KCNH8: variants seen among roughly 807,000 people sequenced by gnomAD.
The protein encoded by KCNH8 is voltage-gated delayed rectifier potassium channel KCNH8.
Under a neutral mutation model 103.6 loss-of-function variants are expected in KCNH8, and 70 were observed. That is an observed-to-expected ratio of 0.68 (90% CI 0.56 to 0.82). The LOEUF (loss-of-function observed/expected upper bound fraction) is 0.82, where lower values mean the gene tolerates loss of function less well. Among genes scored for constraint, KCNH8 ranks in the 40% least tolerant of loss-of-function variants. KCNH8 has a pLI of 0.00. For missense variants in KCNH8, 1,217 were observed against 1,329.9 expected (o/e 0.92, Z 1.32); for synonymous variants, 498 against 489.4 (o/e 1.02, Z -0.23).
chr3:19,396,578 AG>A (rs1411413593), intron 7 of KCNH8, among the ~76,000 whole-genome samples: 5 of 152,010 alleles, frequency 3.3e-5, no homozygotes, highest in African/African-American at 1.2e-4. Context: ...CCTCAATTCT[AG>A]GAAACAAAGA....
Position 19,278,931 on chromosome 3 carries a change from C to G in KCNH8, c.311-2267C>G, listed in dbSNP as rs547778148. On this transcript the variant is annotated intron_variant, in intron 2 of 15. Transcript: ENST00000328405. ...CTCTTTCCAAAATATATTGGTGCAC[C>G]TATGCAAAGGCTCTTTGGAGACAGT... is the stretch of plus-strand genomic sequence containing the variant. 5.2e-4 allele frequency among the ~76,000 whole-genome samples: 79 copies of G among 152,192 alleles called. 1 individual carries two copies. Among genetic ancestry groups the G allele is most frequent in the African/African-American group, 1.9e-3 (79 of 41,534 alleles).
chr3:19,512,063 A>T (rs1296917522), intron 12 of KCNH8, among the ~76,000 whole-genome samples: 1 of 152,174 alleles, frequency 6.6e-6, no homozygotes, highest in Non-Finnish European at 1.5e-5. Context: ...ATTATTGATG[A>T]TCAGATATAA....
chr3:19,466,560 G>T (rs1479668461), intron 11 of KCNH8, among the ~76,000 whole-genome samples: 1 of 149,146 alleles, frequency 6.7e-6, no homozygotes, highest in Non-Finnish European at 1.5e-5. Flanking sequence ...TTAGTCAGCA[G>T]CCATCAACAT....
intron 11 of KCNH8, among the ~76,000 whole-genome samples, chr3:19,462,216 C>T (rs779045277): frequency 6.6e-6 from 1 of 152,208 alleles, no homozygotes; most frequent in Non-Finnish European, 1.5e-5. Context: ...GGAATTGCCA[C>T]ACTGTCTTCC....
intron 5 of KCNH8, among the ~76,000 whole-genome samples, chr3:19,352,771 A>G (rs553859023): frequency 6.6e-6 from 1 of 152,322 alleles, no homozygotes; most frequent in African/African-American, 2.4e-5. Context: ...AATGCCCACA[A>G]GAGAAAGCAG....
intron 1 of KCNH8, among the ~76,000 whole-genome samples, chr3:19,205,191 A>T (rs2063702691): frequency 6.6e-6 from 1 of 152,022 alleles, no homozygotes; most frequent in African/African-American, 2.4e-5. Flanking sequence ...CTAATAGTTG[A>T]TAAATGCATA....
At chr3:19,487,602 C>T (rs950512898) in intron 11 of KCNH8, among the ~76,000 whole-genome samples, 7 of 152,148 alleles carry the variant, frequency 4.6e-5, no homozygotes, top group South Asian at 2.1e-4. Flanking sequence ...GACTGCCAGT[C>T]CCAGAGGATT....
In KCNH8 at chr3:19,533,516, C is replaced by G. The variant is rs376998479; in HGVS notation, c.2741C>G (p.Ser914Cys). The change falls in exon 16 of 16, where the codon TCT becomes TGT. Residue 914 changes from serine (S) to cysteine (C), a missense_variant. By Grantham distance (112) the Ser-to-Cys change is moderately radical. Coordinates refer to ENST00000328405, the MANE Select transcript of KCNH8 (RefSeq NM_144633.3). ...CGGTTTTGCTCTTTGCACAGCACCT[C>G]TGTGTGTCCCTCCAGGGAGAGCTTA... ...PSRFCSLHST[S>C]VCPSRESLQT... 1.2e-5 allele frequency: 19 copies of G among 1,614,108 alleles called. No homozygotes were observed. The African/African-American group carries it at 1.5e-4, about 12-fold the overall frequency.
intron 15 of KCNH8, among the ~76,000 whole-genome samples, chr3:19,527,942 C>CT (rs1177407274): frequency 6.6e-6 from 1 of 151,820 alleles, no homozygotes; most frequent in Non-Finnish European, 1.5e-5. Context: ...TTCATCACTT[C>CT]TTTTTTTTAA....
chr3:19,392,448 A>G (rs151176054), intron 6 of KCNH8, among the ~76,000 whole-genome samples: 77 of 152,088 alleles, frequency 5.1e-4, no homozygotes, highest in African/African-American at 1.8e-3. Context: ...CCTCTTAAAC[A>G]AGTTAGTCAG....
chr3:19,216,213 A>G (rs970322830), intron 1 of KCNH8, among the ~76,000 whole-genome samples: 2 of 152,164 alleles, frequency 1.3e-5, no homozygotes, highest in Non-Finnish European at 2.9e-5. Context: ...TGGTTTGTGG[A>G]ATTGATTCTC....
intron 3 of KCNH8, among the ~76,000 whole-genome samples, chr3:19,304,619 G>A (rs2065106631): frequency 6.6e-6 from 1 of 151,990 alleles, no homozygotes; most frequent in Middle Eastern, 3.4e-3. Context: ...ATTAAGTTGA[G>A]GAATCTTCCA....
chr3:19,203,410 T>C (rs2125219357), intron 1 of KCNH8, among the ~76,000 whole-genome samples: 1 of 152,214 alleles, frequency 6.6e-6, no homozygotes, highest in South Asian at 2.1e-4. Flanking sequence ...TGTTTACATA[T>C]TTCAATATAG....
intron 3 of KCNH8, among the ~76,000 whole-genome samples, chr3:19,325,055 A>G (rs1009891558): frequency 6.6e-6 from 1 of 152,128 alleles, no homozygotes; most frequent in Non-Finnish European, 1.5e-5. Flanking sequence ...AAGATCACTA[A>G]GCTATGTGAT....
At position 19,395,136 on chromosome 3, in the gene KCNH8, C is replaced by T; in HGVS notation, c.1002C>T (p.Arg334=). The T allele has an allele frequency of 6.2e-7, 1 of 1,611,834 alleles. No homozygotes were observed. Among genetic ancestry groups the T allele is most frequent in the Non-Finnish European group, 8.5e-7 (1 of 1,178,868 alleles). ...VSLVHLLKTV[R]LLRLLRLLQK... ...TCGTGCATCTTCTAAAGACAGTGCG[C>T]CTCTTGCGTCTTTTGCGTCTGCTGC... The change falls in exon 7 of 16, where the codon CGC becomes CGT. Residue 334 remains arginine (R), a synonymous_variant. Transcript: ENST00000328405.
intron 6 of KCNH8, among the ~76,000 whole-genome samples, chr3:19,392,542 A>C (rs967856588): frequency 1.3e-5 from 2 of 152,006 alleles, no homozygotes; most frequent in Non-Finnish European, 2.9e-5. Context: ...GTTATGAGGA[A>C]TAACTTATGA....
intron 15 of KCNH8, among the ~76,000 whole-genome samples, chr3:19,520,096 A>ATACTT (rs1028341083): frequency 4.0e-5 from 6 of 150,784 alleles, no homozygotes; most frequent in African/African-American, 7.3e-5. Flanking sequence ...TTTTTAAATT[A>ATACTT]TACTTTAAGT....
chr3:19,171,899 T>C (rs527966332), intron 1 of KCNH8, among the ~76,000 whole-genome samples: 1 of 152,340 alleles, frequency 6.6e-6, no homozygotes, highest in South Asian at 2.1e-4. Flanking sequence ...TTGTCAAGGA[T>C]CTTCATTCTG....
At chr3:19,209,768 C>T (rs544474706) in intron 1 of KCNH8, among the ~76,000 whole-genome samples, 98 of 152,168 alleles carry the variant, frequency 6.4e-4, no homozygotes, top group African/African-American at 2.2e-3. Flanking sequence ...TGCCTGTTCA[C>T]TCCATTTGCC....
Sources: gnomAD v4.1 joint callset for allele counts (sites outside exome capture counted in the v4.1 genomes callset) on GRCh38, gnomAD v4.1.1 for gene constraint, MANE v1.5 for transcripts, NCBI Gene and HGNC (gene_info 2026-07-23, HGNC 2026-07-21) for gene names.